The following RGS8 variants were observed in gnomAD, a reference collection of about 807,000 sequenced individuals.
RGS8 encodes the protein regulator of G-protein signaling 8.
A neutral mutation model predicts 21.7 loss-of-function variants in RGS8; 8 were observed. That is an observed-to-expected ratio of 0.37 (90% confidence interval 0.22 to 0.66). The LOEUF is 0.66. RGS8 is among the 30% of genes least tolerant of loss of function. The pLI is 0.59. For synonymous variants in RGS8, 80 were observed against 83.6 expected (o/e 0.96, Z 0.24); for missense variants, 157 against 217.9 (o/e 0.72, Z 1.76).
the RGS8 span, among the ~76,000 whole-genome samples, chr1:182,727,755 A>G: frequency 6.6e-6 from 1 of 152,084 alleles, no homozygotes; most frequent in Non-Finnish European, 1.5e-5. Flanking sequence ...AAAGTAATCT[A>G]CCCAGTGTGT....
intron 2 of RGS8, 107 bp from the exon 4 acceptor site, chr1:182,669,859 C>G: frequency 3.3e-6 from 4 of 1,220,182 alleles, no homozygotes; most frequent in Non-Finnish European, 4.4e-6. Context: ...CCACACACAT[C>G]CCCCCAGCCC....
upstream of RGS8, among the ~76,000 whole-genome samples, chr1:182,677,798 G>C (rs1664412991): frequency 6.6e-6 from 1 of 152,154 alleles, no homozygotes; most frequent in Non-Finnish European, 1.5e-5. Context: ...AAATTTTGGA[G>C]GCTTTGGTGT....
At chr1:182,648,180 T>C (rs1662795670) in exon 6 of RGS8, 2 of 1,613,368 alleles carry the variant, frequency 1.2e-6, no homozygotes, top group Admixed American at 1.7e-5. Context: ...AAAGATCCTA[T>C]GGGCCTTAGA....
chr1:182,666,842 C>T lies in RGS8; in HGVS notation c.128+30G>A. The T allele has an allele frequency of 5.9e-6, 9 of 1,536,820 alleles. 1 individual carries two copies. Among genetic ancestry groups the T allele is most frequent in the Non-Finnish European group, 8.1e-6 (9 of 1,109,448 alleles). On this transcript the variant is annotated intron_variant, in intron 4 of 6. Transcript: ENST00000483095. ...GAGCTATATGACTTGCTGTATTACC[C>T]AGGGAATGGCACGTGGCCGTACTAC...
the RGS8 span, among the ~76,000 whole-genome samples, chr1:182,699,784 A>G: frequency 5.9e-5 from 9 of 152,176 alleles, no homozygotes; most frequent in African/African-American, 2.2e-4. Context: ...GGCAGGATGG[A>G]TATCTCTATT....
chr1:182,741,620 G>T, the RGS8 span, among the ~76,000 whole-genome samples: 1 of 120,616 alleles, frequency 8.3e-6, no homozygotes, highest in African/African-American at 3.1e-5. Flanking sequence ...CTGGCTGGGC[G>T]GGGGGCTGAC....
chr1:182,747,622 A>G, the RGS8 span, among the ~76,000 whole-genome samples: 2 of 152,168 alleles, frequency 1.3e-5, no homozygotes, highest in African/African-American at 2.4e-5. Flanking sequence ...AGCCAGGGAG[A>G]TATCTCTGAC....
At chr1:182,727,108 C>T in the RGS8 span, among the ~76,000 whole-genome samples, 2 of 152,170 alleles carry the variant, frequency 1.3e-5, no homozygotes, top group African/African-American at 4.8e-5. Flanking sequence ...TCAGGAACTC[C>T]ACCTAAGCAT....
At chr1:182,705,548 C>CCAGTTCCTTCCAATTCTTCTCATGGAT in the RGS8 span, among the ~76,000 whole-genome samples, 32 of 135,688 alleles carry the variant, frequency 2.4e-4, no homozygotes, top group African/African-American at 4.6e-4. Flanking sequence ...TTTATAGCTA[C>CCAGTTCCTTCCAATTCTTCTCATGGAT]TTTATCTAGA....
At chr1:182,717,034 T>C in the RGS8 span, among the ~76,000 whole-genome samples, 1 of 152,212 alleles carries the variant, frequency 6.6e-6, no homozygotes, top group African/African-American at 2.4e-5. Flanking sequence ...ACCCTATCCC[T>C]GGCACATAGT....
At chr1:182,737,398 A>T in the RGS8 span, among the ~76,000 whole-genome samples, 1 of 152,076 alleles carries the variant, frequency 6.6e-6, no homozygotes, top group Non-Finnish European at 1.5e-5. Context: ...CCGAAATCTC[A>T]TCTCGAACTG....
At position 182,665,951 on chromosome 1, in the gene RGS8, G is replaced by A. The variant is rs202108820; in HGVS notation, c.193+18C>T. ...TAGATGATTTGCCATGTCATGATAC[G>A]ACCTGAATTCTACTTACACTTATGA... On this transcript the variant is annotated intron_variant, in intron 5 of 6. Coordinates refer to ENST00000483095, the Ensembl canonical transcript of RGS8. The A allele has an allele frequency of 7.5e-6, 12 of 1,604,150 alleles. No individual in the cohort carries two copies. The highest frequency in any genetic ancestry group is 2.7e-5 in the African/African-American group (2 of 74,788).
At chr1:182,727,893 CAAATGTA>C in the RGS8 span, among the ~76,000 whole-genome samples, 2 of 152,096 alleles carry the variant, frequency 1.3e-5, no homozygotes, top group East Asian at 3.8e-4. Context: ...TCTTCAATAA[CAAATGTA>C]CATTTACACT....
chr1:182,712,555 C>T, the RGS8 span, among the ~76,000 whole-genome samples: 4 of 152,184 alleles, frequency 2.6e-5, no homozygotes, highest in African/African-American at 9.7e-5. Context: ...ACAGTATTTA[C>T]ACCTTTTAAA....
chr1:182,669,661 C>G, exon 3 of RGS8: 1 of 1,614,232 alleles, frequency 6.2e-7, no homozygotes, highest in Non-Finnish European at 8.5e-7. Flanking sequence ...CAGGCATCAG[C>G]TTACGGTTAA....
At chr1:182,741,324 T>C in the RGS8 span, among the ~76,000 whole-genome samples, 1 of 102,532 alleles carries the variant, frequency 9.8e-6, no homozygotes, top group African/African-American at 4.1e-5. Flanking sequence ...ACCCCCCACC[T>C]CCCTCCCGGA....
intron 2 of RGS8, among the ~76,000 whole-genome samples, chr1:182,670,010 G>A (rs1474219798): frequency 6.6e-6 from 1 of 152,248 alleles, no homozygotes; most frequent in African/African-American, 2.4e-5. Context: ...AGTGGAACGT[G>A]TGCCTCAGGG....
chr1:182,703,437 G>A, the RGS8 span, among the ~76,000 whole-genome samples: 2 of 152,204 alleles, frequency 1.3e-5, no homozygotes, highest in African/African-American at 2.4e-5. Flanking sequence ...TTGTGGAGGG[G>A]TGGCCAAAAG....
the RGS8 span, among the ~76,000 whole-genome samples, chr1:182,711,903 C>G: frequency 2.0e-5 from 3 of 152,160 alleles, no homozygotes; most frequent in Admixed American, 1.3e-4. Flanking sequence ...TTCTAATTTG[C>G]AGAATTTAGA....
Sources: gnomAD v4.1 joint callset for allele counts (sites outside exome capture counted in the v4.1 genomes callset) on GRCh38, gnomAD v4.1.1 for gene constraint, MANE v1.5 for transcripts, NCBI Gene and HGNC (gene_info 2026-07-23, HGNC 2026-07-21) for gene names.